Variants in IGDCC4 observed in about 807,000 individuals in gnomAD.
The protein encoded by IGDCC4 is likely ortholog of mouse neighbor of Punc E11.
IGDCC4 carries 72 observed loss-of-function variants against 116.6 expected under a neutral mutation model. The ratio of observed to expected loss-of-function variants is 0.62; its 90% CI spans 0.51 to 0.75. IGDCC4 has a LOEUF of 0.75. IGDCC4 is among the 30% of genes least tolerant of loss of function. The pLI, the probability that IGDCC4 is intolerant of heterozygous loss-of-function variation, is 0.00. For synonymous variants in IGDCC4, 709 were observed against 719.9 expected, an observed-to-expected ratio of 0.98 and a Z score of 0.24; for missense variants, 1,501 against 1,662.4, an observed-to-expected ratio of 0.90 and a Z score of 1.69.
chr15:65,405,747 T>C (rs1195423398), intron 3 of IGDCC4, among the ~76,000 whole-genome samples: 1 of 152,210 alleles, frequency 6.6e-6, no homozygotes, highest in Non-Finnish European at 1.5e-5. Flanking sequence ...TTCTGTAAAG[T>C]TGGTATACTC....
chr15:65,400,864 C>T lies in IGDCC4; in HGVS notation c.783G>A (p.Val261=), dbSNP rs1463941704. ...CAGCTGAGGCCACACATTCCATCAC[C>T]ACACTCTGGCCAGACACCACTGTGG... is the stretch of plus-strand genomic sequence containing the variant. ...ENTTVVSGQS[V]VMECVASADP... Residue 261 remains valine (V), a synonymous_variant, in exon 5 of 20, where the codon GTG becomes GTA. Transcript: ENST00000352385. The T allele has an allele frequency of 3.7e-6, 6 of 1,613,924 alleles. No homozygotes were observed. Among genetic ancestry groups the T allele is most frequent in the Non-Finnish European group, 5.1e-6 (6 of 1,179,954 alleles).
At position 65,396,064 on chromosome 15, in the gene IGDCC4, A is replaced by T; in HGVS notation, c.1097T>A (p.Leu366Gln). The T allele has an allele frequency of 7.1e-7, 1 of 1,400,608 alleles. No individual in the cohort carries two copies. Among genetic ancestry groups the T allele is most frequent in the Non-Finnish European group, 9.2e-7 (1 of 1,085,462 alleles). The allele number at this position is 1,400,608 out of a possible 1,614,324, so 86.8% of individuals were successfully genotyped here. A position where few individuals can be genotyped will look rare whatever the true frequency, so the allele number is the denominator to read the frequency against. The change falls in exon 7 of 20, where the codon CTG becomes CAG. Residue 366 changes from leucine (L) to glutamine (Q), a missense_variant. This residue lies in a region of IGDCC4 where 898 missense variants were observed against 978.9 expected (regional missense o/e 0.92). Coordinates refer to ENST00000352385, the MANE Select transcript of IGDCC4 (RefSeq NM_020962.3). ...CGGCGCCCCGTTGTGCAGCCAGCGC[A>T]GCGCTGGCCGCGGCTCCCCCGACGC... ...CRASGEPRPA[L>Q]RWLHNGAPLR...
In IGDCC4 at chr15:65,384,097, G is replaced by A. The variant is rs80345655; in HGVS notation, c.3665C>T (p.Thr1222Ile). 10 of 1,613,950 alleles carry A rather than the reference G, an allele frequency of 6.2e-6. No homozygotes were observed. In the African/African-American group the frequency reaches 1.2e-4, roughly 19 times the overall value. Residue 1222 changes from threonine (T) to isoleucine (I), a missense_variant, in exon 20 of 20, where the codon ACC (threonine) becomes ATC (isoleucine). Thr to Ile is a moderately conservative substitution (Grantham distance 89, BLOSUM62 -1). Coordinates refer to ENST00000352385, the MANE Select transcript of IGDCC4 (RefSeq NM_020962.3). This position sits in a 1 kb window ranked among gnomAD's most constrained non-coding sequence, Gnocchi z 4.9. Reference protein sequence around the residue: ...DLQPGEVLEETPGDSCQLKSP... With the variant: ...DLQPGEVLEEIPGDSCQLKSP... ...TTTGAGCTGGCAGCTATCTCCAGGG[G>A]TCTCCTCTAGCACCTCGCCTGGCTG... is the stretch of plus-strand genomic sequence containing the variant.
chr15:65,386,116 C>T (rs2091456205), intron 17 of IGDCC4, 57 bp from the exon 18 acceptor site: 2 of 1,130,160 alleles, frequency 1.8e-6, no homozygotes, highest in African/African-American at 3.2e-5. Context: ...TCAGGCGGGG[C>T]TGGGATCTGG....
intron 1 of IGDCC4, 31 bp downstream of exon 1, chr15:65,422,762 C>G: frequency 7.5e-7 from 1 of 1,332,132 alleles, no homozygotes; most frequent in Non-Finnish European, 9.6e-7. Context: ...ACTCCGCAGT[C>G]GCTCCTGCCT....
chr15:65,385,880 C>T lies in IGDCC4; in HGVS notation c.3131G>A (p.Ser1044Asn), dbSNP rs1395465181. The T allele has an allele frequency of 6.2e-7, 1 of 1,612,770 alleles. No individual in the cohort carries two copies. The highest frequency in any genetic ancestry group is 2.2e-5 in the East Asian group (1 of 44,892). The change falls in exon 18 of 20, where the codon AGC becomes AAC. Residue 1044 changes from serine (S) to asparagine (N), a missense_variant. Physicochemically the swap from Ser to Asn is conservative, Grantham distance 46 (BLOSUM62 1). Around this residue, in one of 3 missense-constraint regions of IGDCC4, gnomAD observed 368 missense variants for 355.6 expected, o/e 1.03. Transcript: ENST00000352385. The part of the protein sequence containing the change: ...SDVEDRAEVH[S>N]LMGGGVSEGR... ...TTCAGAAACACCGCCACCCATAAGG[C>T]TGTGCACTTCAGCCCTGTCCTCCAC...
Position 65,404,800 on chromosome 15 carries a change from G to A in IGDCC4, c.564-2313C>T, listed in dbSNP as rs571701601. On this transcript the variant is annotated intron_variant, in intron 3 of 19. Transcript: ENST00000352385. ...GGTTCATCTAAAATCTTTTCTGGCC[G>A]GGCTTTTTGGGAGGCAGAGGCAGGA... Among the ~76,000 whole-genome samples the A allele has an allele frequency of 2.0e-5, 3 of 152,282 alleles. No homozygotes were observed. The East Asian group carries it at 5.8e-4, about 29-fold the overall frequency.
rs201515267 is a variant in IGDCC4, at chr15:65,397,018, G to C, written c.842-29C>G. The C allele has an allele frequency of 1.2e-3, 1,829 of 1,564,170 alleles. 25 individuals are homozygous for C. Among genetic ancestry groups the C allele is most frequent in the Non-Finnish European group, 7.7e-5 (89 of 1,153,338 alleles). On this transcript the variant is annotated intron_variant, in intron 5 of 19. Coordinates refer to ENST00000352385, the MANE Select transcript of IGDCC4 (RefSeq NM_020962.3). ...GGGAAGGAGAGGGAGACGCGCTGGA[G>C]GGGACGCTAGGGACTGCCCTTCCCT...
intron 5 of IGDCC4, among the ~76,000 whole-genome samples, chr15:65,399,728 G>A (rs1488668126): frequency 2.6e-5 from 4 of 151,938 alleles, no homozygotes; most frequent in Non-Finnish European, 5.9e-5. Context: ...CTCATTGGTG[G>A]GTACATATTA....
intron 1 of IGDCC4, among the ~76,000 whole-genome samples, chr15:65,420,753 C>T (rs1480328077): frequency 1.3e-5 from 2 of 152,168 alleles, no homozygotes; most frequent in Non-Finnish European, 2.9e-5. Flanking sequence ...TCCCCATCAT[C>T]ATTCTCCTTC....
At chr15:65,420,468 G>A (rs967577463) in intron 1 of IGDCC4, among the ~76,000 whole-genome samples, 2 of 152,134 alleles carry the variant, frequency 1.3e-5, no homozygotes, top group African/African-American at 4.8e-5. Flanking sequence ...CACACTGGCT[G>A]GAATGAGATG....
intron 12 of IGDCC4, among the ~76,000 whole-genome samples, 190 bp downstream of exon 12, chr15:65,391,690 C>A (rs2091516155): frequency 6.6e-6 from 1 of 152,190 alleles, no homozygotes; most frequent in Non-Finnish European, 1.5e-5. Flanking sequence ...AGTGAACAAA[C>A]AAGCTTCTCT....
intron 4 of IGDCC4, among the ~76,000 whole-genome samples, chr15:65,401,260 G>A (rs2062983339): frequency 6.6e-6 from 1 of 152,194 alleles, no homozygotes; most frequent in East Asian, 1.9e-4. Flanking sequence ...AGGGTCATGG[G>A]CAAAGCACCA....
chr15:65,392,070 C>T, intron 11 of IGDCC4, 64 bp downstream of exon 11: 1 of 1,540,844 alleles, frequency 6.5e-7, no homozygotes, highest in South Asian at 1.2e-5. Flanking sequence ...AACTTCTTCA[C>T]ACAACTTGCC....
chr15:65,396,224 C>G (rs903459055), intron 6 of IGDCC4, 61 bp from the exon 7 acceptor site: 35 of 1,377,700 alleles, frequency 2.5e-5, no homozygotes, highest in South Asian at 4.4e-5. Flanking sequence ...CTGCCCCCCC[C>G]CCAGTACCCC....
At chr15:65,402,584 C>A in intron 3 of IGDCC4, 97 bp from the exon 4 acceptor site, 1 of 1,448,716 alleles carries the variant, frequency 6.9e-7, no homozygotes, top group Non-Finnish European at 9.3e-7. Context: ...CTCTAAGATA[C>A]CAGGCTGGGC....
chr15:65,417,218 A>G (rs1380730239), intron 1 of IGDCC4, among the ~76,000 whole-genome samples: 3 of 151,874 alleles, frequency 2.0e-5, no homozygotes, highest in Non-Finnish European at 4.4e-5. Context: ...CCTGCCCCCA[A>G]CCTTGGCCAC....
At position 65,392,252 on chromosome 15, in the gene IGDCC4, C is replaced by T; in HGVS notation, c.2004G>A (p.Val668=). 1 of 1,610,992 alleles carries T rather than the reference C, an allele frequency of 6.2e-7. No homozygotes were observed. Among genetic ancestry groups the T allele is most frequent in the Non-Finnish European group, 8.5e-7 (1 of 1,178,076 alleles). Residue 668 remains valine, a synonymous_variant, in exon 11 of 20, where the codon GTG becomes GTA. Transcript: ENST00000352385. ...ISGYKLYWRE[V]GAEEEANGDR... is the part of the protein sequence containing the mutation. The stretch of plus-strand genomic sequence containing the variant: ...CGCCATTGGCCTCCTCCTCAGCCCC[C>T]ACCTCCCGCCAATATAGTTTGTAGC...
chr15:65,396,218 CCCCCCCCCAGTACCCCAAG>C, intron 6 of IGDCC4, 55 bp from the exon 7 acceptor site: 2 of 1,245,236 alleles, frequency 1.6e-6, no homozygotes, highest in Non-Finnish European at 1.0e-6. Context: ...AGGTCTCTGC[CCCCCCCCCAGTACCCCAAG>C]CCTGCCCCCC....
Sources: gnomAD v4.1 joint callset for allele counts (sites outside exome capture counted in the v4.1 genomes callset) on GRCh38, gnomAD v4.1.1 for gene constraint, gnomAD v4.1.1 regional missense constraint, Gnocchi (gnomAD v3.1) non-coding constraint, MANE v1.5 for transcripts, NCBI Gene and HGNC (gene_info 2026-07-23, HGNC 2026-07-21) for gene names.